MAP1LC3A: variants seen among roughly 807,000 people sequenced by gnomAD.
MAP1LC3A encodes microtubule-associated protein 1 light chain 3 alpha.
In MAP1LC3A, 10 loss-of-function variants were observed where a neutral mutation model predicts 15.2. That is an observed-to-expected ratio of 0.66 (90% CI 0.41 to 1.12). MAP1LC3A has a LOEUF of 1.12. Among genes scored for constraint, MAP1LC3A ranks in the 50% most tolerant of loss-of-function variants. The pLI is 0.00. For missense variants in MAP1LC3A, 138 were observed against 167.3 expected (o/e 0.82, Z 0.97); for synonymous variants, 63 against 64.3 (o/e 0.98, Z 0.10).
chr20:34,548,042 A>C (rs1981805286), intron 1 of MAP1LC3A, among the ~76,000 whole-genome samples: 1 of 152,124 alleles, frequency 6.6e-6, no homozygotes, highest in African/African-American at 2.4e-5. Context: ...CGGTGGAGAC[A>C]GGTGGGACGA....
At chr20:34,558,148 A>C (rs1304089128), upstream of MAP1LC3A, 4 of 983,740 alleles carry the variant, frequency 4.1e-6, no homozygotes, top group Non-Finnish European at 4.8e-6. This position sits in a 1 kb window ranked among gnomAD's most constrained non-coding sequence, Gnocchi z 4.3. Flanking sequence ...GCTTCCGATC[A>C]GCCTCCAGGT....
intron 1 of MAP1LC3A, among the ~76,000 whole-genome samples, chr20:34,549,410 C>T (rs1244363042): frequency 2.0e-5 from 3 of 152,154 alleles, no homozygotes; most frequent in South Asian, 2.1e-4. Flanking sequence ...CGTGTCCTCC[C>T]GATATGAGGC....
rs757857701 is a variant in MAP1LC3A, at chr20:34,559,842, G to A, written c.310G>A (p.Asp104Asn). ...PIADIYEQEK[D>N]EDGFLYMVYA... ...CGCGGACATCTACGAGCAGGAGAAA[G>A]ACGAGGACGGCTTCCTCTATATGGT... Residue 104 changes from aspartate (D) to asparagine (N), a missense_variant, in exon 4 of 4, where the codon GAC (aspartate) becomes AAC (asparagine). Asp to Asn is a conservative substitution (Grantham distance 23, BLOSUM62 1). Transcript: ENST00000360668. 2.5e-6 allele frequency: 4 copies of A among 1,614,048 alleles called. No individual in the cohort carries two copies. The highest frequency in any genetic ancestry group is 1.1e-5 in the South Asian group (1 of 91,082).
At chr20:34,558,519 C>A, upstream of MAP1LC3A, 15 of 1,078,034 alleles carry the variant, frequency 1.4e-5, no homozygotes, top group South Asian at 5.2e-4. The surrounding 1 kb of genome is among the most constrained non-coding windows in gnomAD (Gnocchi z 4.3). Flanking sequence ...TGAGTTCGGG[C>A]TGCGGGAGAA....
Position 34,558,797 on chromosome 20 carries a change from C to G in MAP1LC3A, c.-72C>G. ...CCTTGAGCGCGAGGCGCGGAGCCCC[C>G]GGAGCCCCCAAACCGCAGACACATC... is the stretch of plus-strand genomic sequence containing the variant. On this transcript the variant is annotated 5_prime_UTR_variant, in exon 1 of 4. Coordinates refer to ENST00000360668, the MANE Select transcript of MAP1LC3A (RefSeq NM_032514.4). The surrounding 1 kb of genome is among the most constrained non-coding windows in gnomAD (Gnocchi z 4.3). 2 of 1,367,044 alleles carry G rather than the reference C, an allele frequency of 1.5e-6. No individual in the cohort carries two copies. The highest frequency in any genetic ancestry group is 5.1e-4 in the Middle Eastern group (2 of 3,928). The allele number at this position is 1,367,044 out of a possible 1,614,324, so 84.7% of individuals were successfully genotyped here.
chr20:34,554,337 T>G (rs1685682428), upstream of MAP1LC3A, among the ~76,000 whole-genome samples: 1 of 150,278 alleles, frequency 6.7e-6, no homozygotes, highest in Admixed American at 6.6e-5. Flanking sequence ...TTTAAGTACA[T>G]GTTTACTATA....
At chr20:34,547,110 A>G (rs2146666695) in intron 1 of MAP1LC3A, among the ~76,000 whole-genome samples, 1 of 152,330 alleles carries the variant, frequency 6.6e-6, no homozygotes, top group East Asian at 1.9e-4. Flanking sequence ...GAGTGAGGGC[A>G]GCAGGGAAGG....
chr20:34,559,859 C>T lies in MAP1LC3A; in HGVS notation c.327C>T (p.Leu109=). 1.9e-6 allele frequency: 3 copies of T among 1,613,900 alleles called. No homozygotes were observed. The highest frequency in any genetic ancestry group is 1.7e-5 in the Admixed American group (1 of 60,008). ...AGGAGAAAGACGAGGACGGCTTCCT[C>T]TATATGGTCTACGCCTCCCAGGAAA... ...YEQEKDEDGF[L]YMVYASQETF... Residue 109 remains leucine, a synonymous_variant, in exon 4 of 4, where the codon CTC becomes CTT. Transcript: ENST00000360668.
rs562621830 is a variant in MAP1LC3A, at chr20:34,548,003, AC to A, written c.-74+1088del. 1.8e-3 allele frequency among the ~76,000 whole-genome samples: 278 copies of A among 152,232 alleles called. 1 individual carries two copies. The highest frequency in any genetic ancestry group is 6.6e-3 in the African/African-American group (274 of 41,530). Reference sequence around the variant, plus strand: ...ACTGGTGAGGTGCCCTCTAGGGCAGACGAGGGAGGGGGGTTCCCGGAGCAGT... The same window carrying A: ...ACTGGTGAGGTGCCCTCTAGGGCAGAGAGGGAGGGGGGTTCCCGGAGCAGT... On this transcript the variant is annotated intron_variant, in intron 1 of 4. Transcript: ENST00000374837.
chr20:34,554,619 G>A (rs1982081433), upstream of MAP1LC3A, among the ~76,000 whole-genome samples: 1 of 151,582 alleles, frequency 6.6e-6, no homozygotes, highest in Admixed American at 6.6e-5. Flanking sequence ...TGATCCGCCT[G>A]CCTTGGCCGC....
intron 2 of MAP1LC3A, among the ~76,000 whole-genome samples, chr20:34,550,645 G>A (rs1309451167): frequency 6.6e-6 from 1 of 152,184 alleles, no homozygotes; most frequent in Non-Finnish European, 1.5e-5. Flanking sequence ...CGGTGGCAAG[G>A]AGGCAGCGCA....
upstream of MAP1LC3A, among the ~76,000 whole-genome samples, chr20:34,557,526 T>C (rs575432319): frequency 9.8e-5 from 15 of 152,370 alleles, no homozygotes; most frequent in African/African-American, 3.6e-4. Context: ...ATATTGCATA[T>C]TAAATGCTTG....
intron 1 of MAP1LC3A, among the ~76,000 whole-genome samples, chr20:34,549,524 G>A (rs778593690): frequency 2.0e-4 from 31 of 152,212 alleles, no homozygotes; most frequent in Admixed American, 3.9e-4. Context: ...AGAACCAGCC[G>A]GTGGTAGAAG....
At chr20:34,556,231 A>C (rs1982153176), upstream of MAP1LC3A, among the ~76,000 whole-genome samples, 1 of 152,230 alleles carries the variant, frequency 6.6e-6, no homozygotes, top group Non-Finnish European at 1.5e-5. Flanking sequence ...AATAGGTTTA[A>C]ATTTCCACAC....
At chr20:34,552,864 G>C (rs536929511) in intron 2 of MAP1LC3A, among the ~76,000 whole-genome samples, 1 of 152,204 alleles carries the variant, frequency 6.6e-6, no homozygotes, top group Admixed American at 6.5e-5. Context: ...GTGGTGGAAG[G>C]GGGTGGTAAA....
At chr20:34,550,093 G>A (rs569089773) in intron 2 of MAP1LC3A, 16 of 1,511,522 alleles carry the variant, frequency 1.1e-5, no homozygotes, top group Middle Eastern at 1.8e-4. Flanking sequence ...CCACACTCGC[G>A]GTCATCAGTG....
chr20:34,551,756 G>T lies in MAP1LC3A; in HGVS notation c.52+1727G>T, dbSNP rs555733720. On this transcript the variant is annotated intron_variant, in intron 2 of 4. Transcript: ENST00000374837. The stretch of plus-strand genomic sequence containing the variant: ...TGGGATTACAGGCGTGAGCCACCGC[G>T]CCTGGCCATGTTCTCTATCTTGAAA... 4.0e-5 allele frequency among the ~76,000 whole-genome samples: 6 copies of T among 151,134 alleles called. No homozygotes were observed. The South Asian group carries it at 1.3e-3, about 32-fold the overall frequency.
chr20:34,554,260 A>T (rs891274337), upstream of MAP1LC3A, among the ~76,000 whole-genome samples: 4 of 150,084 alleles, frequency 2.7e-5, no homozygotes, highest in Non-Finnish European at 5.9e-5. Context: ...AATTGTCTTT[A>T]CTAGCCATTT....
rs752162192 is a variant in MAP1LC3A, at chr20:34,559,835, G to C, written c.303G>C (p.Gln101His). ...VSTPIADIYE[Q>H]EKDEDGFLYM... The stretch of plus-strand genomic sequence containing the variant: ...CGCCCATCGCGGACATCTACGAGCA[G>C]GAGAAAGACGAGGACGGCTTCCTCT... Residue 101 changes from glutamine (Q) to histidine (H), a missense_variant, in exon 4 of 4, where the codon CAG becomes CAC. Physicochemically the swap from Gln to His is conservative, Grantham distance 24. Coordinates refer to ENST00000360668, the MANE Select transcript of MAP1LC3A (RefSeq NM_032514.4). 1.9e-6 allele frequency: 3 copies of C among 1,614,094 alleles called. No individual in the cohort carries two copies. In the Admixed American group the frequency reaches 5.0e-5, roughly 27 times the overall value.
Sources: allele counts gnomAD v4.1 joint callset (sites outside exome capture counted in the v4.1 genomes callset), GRCh38; gene constraint gnomAD v4.1.1; non-coding constraint Gnocchi (gnomAD v3.1); transcripts MANE v1.5; gene names NCBI Gene and HGNC (gene_info 2026-07-23, HGNC 2026-07-21).